Variants in ZNF385D observed in about 807,000 individuals in gnomAD.
The protein encoded by ZNF385D is zinc finger protein 385D, also known as zinc finger protein 659.
In ZNF385D, 15 loss-of-function variants were observed where a neutral mutation model predicts 35.8. The observed-to-expected ratio is 0.42, with a 90% CI of 0.28 to 0.64. ZNF385D has a LOEUF of 0.64. Ranked by LOEUF, ZNF385D falls within the 30% of genes least tolerant of loss-of-function variation. The pLI is 0.23. For synonymous variants in ZNF385D, 212 were observed against 186.8 expected, an observed-to-expected ratio of 1.13 and a Z score of -1.10; for missense variants, 474 against 494.6, an observed-to-expected ratio of 0.96 and a Z score of 0.39.
At chr3:22,212,440 C>T (rs574288549) in intron 2 of ZNF385D, among the ~76,000 whole-genome samples, 3 of 152,156 alleles carry the variant, frequency 2.0e-5, no homozygotes, top group South Asian at 2.1e-4. Context: ...GATCAAGTGG[C>T]TCTGATCCAC....
chr3:21,855,153 A>G (rs1696636195), intron 3 of ZNF385D, among the ~76,000 whole-genome samples: 1 of 151,998 alleles, frequency 6.6e-6, no homozygotes, highest in South Asian at 2.1e-4. Context: ...TCCCATACCT[A>G]TCTCTGAAAG....
At chr3:22,333,446 T>A (rs1190978612) in intron 2 of ZNF385D, among the ~76,000 whole-genome samples, 1 of 151,552 alleles carries the variant, frequency 6.6e-6, no homozygotes, top group African/African-American at 2.4e-5. Flanking sequence ...AAGGCTGTAA[T>A]GCTTTGTTCA....
chr3:22,004,104 AT>A (rs2125420651), intron 3 of ZNF385D, among the ~76,000 whole-genome samples: 1 of 152,278 alleles, frequency 6.6e-6, no homozygotes, highest in South Asian at 2.1e-4. Context: ...CCAATGACAC[AT>A]AAACCAATGG....
intron 3 of ZNF385D, among the ~76,000 whole-genome samples, chr3:22,139,613 T>C (rs1704370676): frequency 7.3e-6 from 1 of 136,922 alleles, no homozygotes; most frequent in African/African-American, 2.8e-5. Context: ...TGGGGCCTGT[T>C]GTGGGGTGGG....
chr3:22,263,416 CA>C (rs1700734754), intron 2 of ZNF385D, among the ~76,000 whole-genome samples: 1 of 151,894 alleles, frequency 6.6e-6, no homozygotes, highest in South Asian at 2.1e-4. Context: ...TGTCTTTGCT[CA>C]AAAGTTATTT....
intron 2 of ZNF385D, among the ~76,000 whole-genome samples, chr3:22,212,161 C>T (rs1259115990): frequency 6.6e-6 from 1 of 151,872 alleles, no homozygotes; most frequent in African/African-American, 2.4e-5. Context: ...CCAGTTATTC[C>T]CAGAAGAGTG....
At chr3:22,070,009 G>A (rs1700152106) in intron 3 of ZNF385D, among the ~76,000 whole-genome samples, 1 of 152,122 alleles carries the variant, frequency 6.6e-6, no homozygotes, top group Non-Finnish European at 1.5e-5. Context: ...ACTATTCTTG[G>A]TACTTTATTT....
At chr3:22,164,770 T>C (rs1301859600) in intron 3 of ZNF385D, among the ~76,000 whole-genome samples, 3 of 152,130 alleles carry the variant, frequency 2.0e-5, no homozygotes, top group African/African-American at 4.8e-5. Flanking sequence ...GGACCTCATG[T>C]GGCTGTGTTA....
chr3:21,541,155 C>A (rs762080213), intron 3 of ZNF385D, among the ~76,000 whole-genome samples: 4 of 152,152 alleles, frequency 2.6e-5, no homozygotes, highest in Non-Finnish European at 5.9e-5. Flanking sequence ...ATTCTAGCAA[C>A]GTAATCCAAA....
At chr3:22,010,427 C>T (rs1035066899) in intron 3 of ZNF385D, among the ~76,000 whole-genome samples, 3 of 152,294 alleles carry the variant, frequency 2.0e-5, no homozygotes, top group Non-Finnish European at 4.4e-5. Context: ...TATTTACTCC[C>T]AATACCAGTT....
At chr3:21,620,395 G>C (rs954422524) in intron 2 of ZNF385D, among the ~76,000 whole-genome samples, 1 of 152,076 alleles carries the variant, frequency 6.6e-6, no homozygotes, top group Non-Finnish European at 1.5e-5. Context: ...CCCTCTTAGT[G>C]GTTCTTTTCA....
chr3:22,116,886 T>C (rs568013114), intron 3 of ZNF385D, among the ~76,000 whole-genome samples: 1 of 152,064 alleles, frequency 6.6e-6, no homozygotes, highest in Non-Finnish European at 1.5e-5. Flanking sequence ...ATGAAAACAC[T>C]GAGTTGTCAC....
chr3:22,258,933 A>G (rs1054602775), intron 2 of ZNF385D, among the ~76,000 whole-genome samples: 2 of 151,836 alleles, frequency 1.3e-5, no homozygotes, highest in African/African-American at 4.8e-5. Flanking sequence ...TAGTCTCCTG[A>G]GGGCATGTAT....
rs137866288 is a variant in ZNF385D at position 22,218,510 on chromosome 3, C to G, written c.107-49475G>C. On this transcript the variant is annotated intron_variant, in intron 2 of 5. Transcript: ENST00000494108. ...CTATGTACATATATATACATACACA[C>G]ACAACTGTATCTGCGATAATGGCAT... is the stretch of plus-strand genomic sequence containing the variant. Among the ~76,000 whole-genome samples, 231 of 152,060 alleles carry G rather than the reference C, an allele frequency of 1.5e-3. 1 individual carries two copies. Among genetic ancestry groups the G allele is most frequent in the African/African-American group, 5.2e-3 (216 of 41,510 alleles).
chr3:21,898,464 A>AT (rs1297505172), intron 3 of ZNF385D, among the ~76,000 whole-genome samples: 1 of 151,974 alleles, frequency 6.6e-6, no homozygotes, highest in Non-Finnish European at 1.5e-5. Context: ...CTACTTCCAG[A>AT]TTTTTTTCTA....
intron 3 of ZNF385D, among the ~76,000 whole-genome samples, chr3:21,915,037 T>C (rs569833097): frequency 6.7e-6 from 1 of 149,334 alleles, no homozygotes; most frequent in Non-Finnish European, 1.5e-5. Flanking sequence ...AAATCCAGAG[T>C]GTAAAAATTA....
chr3:21,704,121 T>C (rs1269741499), intron 1 of ZNF385D, among the ~76,000 whole-genome samples: 1 of 152,226 alleles, frequency 6.6e-6, no homozygotes, highest in African/African-American at 2.4e-5. Flanking sequence ...ATTTGGAAGT[T>C]AGAACAGATT....
intron 3 of ZNF385D, among the ~76,000 whole-genome samples, chr3:21,975,112 G>C (rs1559807940): frequency 6.6e-6 from 1 of 152,160 alleles, no homozygotes; most frequent in Non-Finnish European, 1.5e-5. Flanking sequence ...AGAGATATCT[G>C]CACTTCCACA....
At chr3:21,622,119 C>T (rs2065025993) in intron 2 of ZNF385D, among the ~76,000 whole-genome samples, 1 of 151,856 alleles carries the variant, frequency 6.6e-6, no homozygotes, top group Admixed American at 6.6e-5. Context: ...TTAATGCACT[C>T]AAATTAAGAC....
Sources: gnomAD v4.1 joint callset for allele counts (sites outside exome capture counted in the v4.1 genomes callset) on GRCh38, gnomAD v4.1.1 for gene constraint, MANE v1.5 for transcripts, NCBI Gene and HGNC (gene_info 2026-07-23, HGNC 2026-07-21) for gene names.